The following LINC00237 variants were observed in gnomAD, a reference collection of about 807,000 sequenced individuals.
LINC00237 encodes long independently transcribed non-coding RNA 237.
Position 21,086,607 on chromosome 20 carries a change from G to GTATATATAGTATACTATATATAGTATAC in LINC00237, n.560-747_560-720dup, listed in dbSNP as rs1437442208. Among the ~76,000 whole-genome samples, 80 of 46,938 alleles carry GTATATATAGTATACTATATATAGTATAC rather than the reference G, an allele frequency of 1.7e-3. 1 individual carries two copies. Among genetic ancestry groups the GTATATATAGTATACTATATATAGTATAC allele is most frequent in the African/African-American group, 2.8e-3 (43 of 15,184 alleles). The allele number at this position is 46,938 out of a possible 152,430, so 30.8% of individuals were successfully genotyped here. A position where few individuals can be genotyped will look rare whatever the true frequency, so the allele number is the denominator to read the frequency against. On this transcript the variant is annotated intron_variant and non_coding_transcript_variant, in intron 3 of 3. Coordinates refer to ENST00000691244, the Ensembl canonical transcript of LINC00237. Reference sequence around the variant, plus strand: ...ATATAGTATACACTAGTATATATATGTATATATAGTATACTATATATAGTA... The same window carrying GTATATATAGTATACTATATATAGTATAC: ...ATATAGTATACACTAGTATATATATGTATATATAGTATACTATATATAGTATACTATATATAGTATACTATATATAGTA...
At chr20:21,096,747 G>A (rs1600312895) in intron 1 of LINC00237, among the ~76,000 whole-genome samples, 1 of 152,154 alleles carries the variant, frequency 6.6e-6, no homozygotes, top group South Asian at 2.1e-4. Context: ...CCTCATCACA[G>A]AAGCAGCAAA....
intron 1 of LINC00237, among the ~76,000 whole-genome samples, chr20:21,104,088 A>G (rs774065823): frequency 2.6e-5 from 4 of 151,924 alleles, no homozygotes; most frequent in Non-Finnish European, 5.9e-5. Context: ...TCTGGAAAAC[A>G]AATGTAATTC....
chr20:21,086,975 C>CTATATGTACTATAGTACATATATAGTA (rs1568883662), intron 3 of LINC00237, among the ~76,000 whole-genome samples: 1 of 139,056 alleles, frequency 7.2e-6, no homozygotes, highest in African/African-American at 2.6e-5. Context: ...TATATACACT[C>CTATATGTACTATAGTACATATATAGTA]TATATGTACT....
intron 3 of LINC00237, among the ~76,000 whole-genome samples, chr20:21,086,427 T>C (rs1381318374): frequency 6.6e-6 from 1 of 151,266 alleles, no homozygotes; most frequent in Non-Finnish European, 1.5e-5. Flanking sequence ...GTGCATACCT[T>C]TCCAGACTAT....
At chr20:21,105,936 G>A (rs1463415519) in intron 1 of LINC00237, among the ~76,000 whole-genome samples, 1 of 152,192 alleles carries the variant, frequency 6.6e-6, no homozygotes, top group Non-Finnish European at 1.5e-5. Context: ...GGCCTGCGGG[G>A]AAACCCCACA....
chr20:21,095,917 T>C (rs2030852338), intron 1 of LINC00237, among the ~76,000 whole-genome samples: 1 of 152,240 alleles, frequency 6.6e-6, no homozygotes, highest in Non-Finnish European at 1.5e-5. Context: ...GGAATTGGTC[T>C]ATACATATTC....
chr20:21,100,292 G>A (rs181550708), intron 1 of LINC00237, among the ~76,000 whole-genome samples: 202 of 152,338 alleles, frequency 1.3e-3, no homozygotes, highest in Middle Eastern at 0.01. Flanking sequence ...ACACCTGCGG[G>A]CGGCGGCAAA....
At chr20:21,105,369 G>T (rs1049846378) in intron 1 of LINC00237, among the ~76,000 whole-genome samples, 1 of 151,266 alleles carries the variant, frequency 6.6e-6, no homozygotes, top group East Asian at 2.0e-4. Flanking sequence ...CGGGCTAAAA[G>T]TTCAGCCCTT....
At chr20:21,096,863 A>G (rs755746334) in intron 1 of LINC00237, among the ~76,000 whole-genome samples, 1 of 152,188 alleles carries the variant, frequency 6.6e-6, no homozygotes, top group Non-Finnish European at 1.5e-5. Context: ...TTTCAAACAG[A>G]GCCAGCCAGC....
intron 1 of LINC00237, among the ~76,000 whole-genome samples, chr20:21,099,504 A>G (rs1020665132): frequency 1.3e-5 from 2 of 151,980 alleles, no homozygotes; most frequent in African/African-American, 4.8e-5. Flanking sequence ...ATCTTTAAAA[A>G]CACAGCTCCC....
chr20:21,105,961 G>T (rs2030993556), intron 1 of LINC00237, among the ~76,000 whole-genome samples: 1 of 152,214 alleles, frequency 6.6e-6, no homozygotes, highest in South Asian at 2.1e-4. Flanking sequence ...CAAGGCGCGG[G>T]GCGGGGTCGG....
At chr20:21,103,815 C>T (rs1461604115) in intron 1 of LINC00237, among the ~76,000 whole-genome samples, 1 of 152,168 alleles carries the variant, frequency 6.6e-6, no homozygotes, top group Non-Finnish European at 1.5e-5. Flanking sequence ...CGTCACTGAT[C>T]GACTCATCTT....
At chr20:21,097,626 C>T (rs558458718) in intron 1 of LINC00237, among the ~76,000 whole-genome samples, 75 of 152,246 alleles carry the variant, frequency 4.9e-4, no homozygotes, top group African/African-American at 1.6e-3. Flanking sequence ...TTGGACACAA[C>T]TCATTATTAT....
intron 1 of LINC00237, among the ~76,000 whole-genome samples, chr20:21,099,458 T>C (rs2122179985): frequency 6.6e-6 from 1 of 152,220 alleles, no homozygotes; most frequent in Admixed American, 6.5e-5. Context: ...TTGCAGATAT[T>C]TCCATGCGCG....
chr20:21,095,323 T>C (rs1300803305), intron 1 of LINC00237, among the ~76,000 whole-genome samples: 1 of 152,110 alleles, frequency 6.6e-6, no homozygotes, highest in East Asian at 1.9e-4. Context: ...TCTTGGACTT[T>C]CCACATAAAT....
At chr20:21,097,645 T>A (rs191996739) in intron 1 of LINC00237, among the ~76,000 whole-genome samples, 1 of 152,224 alleles carries the variant, frequency 6.6e-6, no homozygotes, top group African/African-American at 2.4e-5. Flanking sequence ...ATATTTCTAA[T>A]ATTTTTGTGC....
At chr20:21,092,281 G>A (rs1248513084) in intron 2 of LINC00237, among the ~76,000 whole-genome samples, 1 of 152,124 alleles carries the variant, frequency 6.6e-6, no homozygotes, top group Non-Finnish European at 1.5e-5. Context: ...GATAAAGATG[G>A]AACAAAAAGG....
At chr20:21,095,711 A>G (rs1211325119) in intron 1 of LINC00237, among the ~76,000 whole-genome samples, 1 of 152,218 alleles carries the variant, frequency 6.6e-6, no homozygotes, top group East Asian at 1.9e-4. Context: ...GATGCCCTCC[A>G]TAGGAGATGC....
intron 2 of LINC00237, chr20:21,092,917 T>G (rs986937902): frequency 2.4e-4 from 37 of 152,320 alleles, no homozygotes; most frequent in African/African-American, 8.9e-4. Flanking sequence ...ACTTAAGCAT[T>G]GCTAAAGTTG....
Sources: gnomAD v4.1 joint callset for allele counts (sites outside exome capture counted in the v4.1 genomes callset) on GRCh38, gnomAD v4.1.1 for gene constraint, MANE v1.5 for transcripts, NCBI Gene and HGNC (gene_info 2026-07-23, HGNC 2026-07-21) for gene names.